The following KCNIP4 variants were observed in gnomAD, a reference collection of about 807,000 sequenced individuals.
KCNIP4 encodes Kv channel-interacting protein 4.
A neutral mutation model predicts 34.0 loss-of-function variants in KCNIP4; 12 were observed. The ratio of observed to expected loss-of-function variants is 0.35; its 90% CI spans 0.23 to 0.57. The LOEUF is 0.57. KCNIP4 is among the 20% of genes least tolerant of loss of function. The pLI is 0.83. For missense variants in KCNIP4, 238 were observed against 311.7 expected (o/e 0.76, Z 1.78); for synonymous variants, 124 against 102.2 (o/e 1.21, Z -1.29).
chr4:21,120,753 A>C (rs927637976), intron 1 of KCNIP4, among the ~76,000 whole-genome samples: 1 of 152,170 alleles, frequency 6.6e-6, no homozygotes, highest in African/African-American at 2.4e-5. Flanking sequence ...AAAATTCAAG[A>C]TGAGATTTGG....
chr4:21,351,979 C>G (rs573879819), intron 1 of KCNIP4, among the ~76,000 whole-genome samples: 1 of 152,248 alleles, frequency 6.6e-6, no homozygotes, highest in East Asian at 1.9e-4. Flanking sequence ...CTAATCACAT[C>G]ATAAGTTGAG....
intron 1 of KCNIP4, among the ~76,000 whole-genome samples, chr4:20,967,465 C>T (rs1734474589): frequency 6.6e-6 from 1 of 152,134 alleles, no homozygotes; most frequent in African/African-American, 2.4e-5. Flanking sequence ...AGAGCCTGCA[C>T]AGCCAAGACG....
chr4:21,593,870 G>A (rs1742417065), intron 1 of KCNIP4, among the ~76,000 whole-genome samples: 1 of 152,088 alleles, frequency 6.6e-6, no homozygotes, highest in Non-Finnish European at 1.5e-5. Flanking sequence ...GTCTGTTACT[G>A]AGTGAGCCAT....
intron 5 of KCNIP4, among the ~76,000 whole-genome samples, chr4:20,745,568 T>C (rs563902140): frequency 1.3e-5 from 2 of 152,288 alleles, no homozygotes; most frequent in South Asian, 2.1e-4. Context: ...TTACTTTACT[T>C]GTAAATGTGA....
intron 1 of KCNIP4, among the ~76,000 whole-genome samples, chr4:21,661,626 C>T (rs1042668592): frequency 1.3e-5 from 2 of 152,164 alleles, no homozygotes; most frequent in African/African-American, 4.8e-5. Flanking sequence ...CCTATGAGAA[C>T]ACTGTGGCTC....
intron 1 of KCNIP4, among the ~76,000 whole-genome samples, chr4:21,404,382 T>C (rs12648371): frequency 0.21 from 32,153 of 152,166 alleles, 4,253 homozygotes; most frequent in Non-Finnish European, 0.3. Flanking sequence ...TCTAGTTCCT[T>C]AGTAACTGCT....
chr4:21,191,278 T>C (rs892383707), intron 1 of KCNIP4, among the ~76,000 whole-genome samples: 2 of 152,212 alleles, frequency 1.3e-5, no homozygotes, highest in African/African-American at 2.4e-5. Context: ...ATCGTGTTTA[T>C]TGGAATGTTA....
chr4:21,744,873 T>C (rs929597604), intron 1 of KCNIP4, among the ~76,000 whole-genome samples: 8 of 152,208 alleles, frequency 5.3e-5, no homozygotes, highest in African/African-American at 1.9e-4. Flanking sequence ...CATTCAAATC[T>C]TTATTTAAAG....
At chr4:21,549,944 T>C (rs1209652907) in intron 1 of KCNIP4, among the ~76,000 whole-genome samples, 3 of 152,116 alleles carry the variant, frequency 2.0e-5, no homozygotes, top group African/African-American at 7.2e-5. Flanking sequence ...AGTCTGTAAA[T>C]TGTAGACAAA....
At chr4:21,127,327 C>T (rs1200629311) in intron 1 of KCNIP4, among the ~76,000 whole-genome samples, 1 of 152,150 alleles carries the variant, frequency 6.6e-6, no homozygotes, top group Non-Finnish European at 1.5e-5. Context: ...AGATCAACTC[C>T]CTAATACATC....
At position 21,131,826 on chromosome 4, in the gene KCNIP4, G is replaced by T. The variant is rs150418236; in HGVS notation, c.62-249117C>A. ...TACTTCCATGAAAAGTTAATACTTT[G>T]GTATAAACAATATGATAGATTTGTA... On this transcript the variant is annotated intron_variant, in intron 1 of 8. Transcript: ENST00000382152. Among the ~76,000 whole-genome samples, 620 of 152,200 alleles carry T rather than the reference G, an allele frequency of 4.1e-3. 1 individual carries two copies. The highest frequency in any genetic ancestry group is 0.014 in the African/African-American group (582 of 41,522).
chr4:21,674,811 T>C (rs921784397), intron 1 of KCNIP4, among the ~76,000 whole-genome samples: 2 of 152,178 alleles, frequency 1.3e-5, no homozygotes, highest in Non-Finnish European at 2.9e-5. Context: ...TTACCTAGTA[T>C]TCCTGTGTGA....
intron 1 of KCNIP4, among the ~76,000 whole-genome samples, chr4:21,490,799 A>C: frequency 6.6e-6 from 1 of 152,194 alleles, no homozygotes; most frequent in Admixed American, 6.6e-5. Context: ...TGAGTTTCCC[A>C]TGAAGCTTTA....
intron 2 of KCNIP4, 74 bp downstream of exon 2, chr4:20,882,534 C>A: frequency 1.1e-6 from 1 of 939,782 alleles, no homozygotes; most frequent in Non-Finnish European, 1.7e-6. Flanking sequence ...TTGTAGAGAA[C>A]GGCAATGCAT....
chr4:21,826,276 C>T (rs1257230841), intron 1 of KCNIP4, among the ~76,000 whole-genome samples: 3 of 152,100 alleles, frequency 2.0e-5, no homozygotes, highest in Non-Finnish European at 2.9e-5. Flanking sequence ...GGTAATCCAC[C>T]ATATGAATAC....
At chr4:21,444,545 T>G (rs940512365) in intron 1 of KCNIP4, among the ~76,000 whole-genome samples, 1 of 152,190 alleles carries the variant, frequency 6.6e-6, no homozygotes, top group African/African-American at 2.4e-5. Flanking sequence ...TCTCAATAGA[T>G]GCAGAAAAGG....
chr4:20,983,732 A>G (rs757245993), intron 1 of KCNIP4: 579 of 1,146,208 alleles, frequency 5.1e-4, no homozygotes, highest in Admixed American at 8.0e-4. Flanking sequence ...TTTGAGTATT[A>G]AGGCTTCTTA....
chr4:21,898,727 T>C (rs977926343), intron 1 of KCNIP4, among the ~76,000 whole-genome samples: 1 of 152,074 alleles, frequency 6.6e-6, no homozygotes, highest in African/African-American at 2.4e-5. Flanking sequence ...CTTGGATGGC[T>C]ATGAGAAGAA....
intron 3 of KCNIP4, among the ~76,000 whole-genome samples, chr4:20,836,059 T>C (rs1256571289): frequency 6.6e-6 from 1 of 152,226 alleles, no homozygotes; most frequent in Non-Finnish European, 1.5e-5. Context: ...CCAAATCCAT[T>C]ATTTGCCAAA....
Sources: gnomAD v4.1 joint callset for allele counts (sites outside exome capture counted in the v4.1 genomes callset) on GRCh38, gnomAD v4.1.1 for gene constraint, MANE v1.5 for transcripts, NCBI Gene and HGNC (gene_info 2026-07-23, HGNC 2026-07-21) for gene names.